The following DESI2 variants were observed in gnomAD, a reference collection of about 807,000 sequenced individuals.
The protein encoded by DESI2 is desumoylating isopeptidase 2, also known as deubiquitinase DESI2.
Under a neutral mutation model 24.1 loss-of-function variants are expected in DESI2, and 10 were observed. The observed-to-expected ratio is 0.41, with a 90% CI of 0.26 to 0.70. The LOEUF is 0.70. Among genes scored for constraint, DESI2 ranks in the 30% least tolerant of loss-of-function variants. DESI2 has a pLI of 0.29. For synonymous variants in DESI2, 71 were observed against 87.7 expected, an observed-to-expected ratio of 0.81 and a Z score of 1.06; for missense variants, 122 against 234.9, an observed-to-expected ratio of 0.52 and a Z score of 3.14.
chr1:244,705,724 G>A lies in DESI2; in HGVS notation c.520G>A (p.Ala174Thr), dbSNP rs1558139888. The A allele has an allele frequency of 6.2e-7, 1 of 1,613,842 alleles. No individual in the cohort carries two copies. The highest frequency in any genetic ancestry group is 8.5e-7 in the Non-Finnish European group (1 of 1,180,032). Residue 174 changes from alanine (A) to threonine (T), a missense_variant, in exon 5 of 5, where the codon GCC becomes ACC. By Grantham distance (58) the Ala-to-Thr change is moderately conservative. This residue lies in a region of DESI2 where 56 missense variants were observed against 67.9 expected (regional missense o/e 0.82). Transcript: ENST00000302550. ...QDELEEAEDA[A>T]ASASVASTAA... ...TGAACTGGAGGAAGCAGAGGATGCT[G>A]CCGCATCCGCTTCCGTGGCAAGCAC...
intron 1 of DESI2, among the ~76,000 whole-genome samples, chr1:244,657,016 G>T (rs1016976799): frequency 1.3e-5 from 2 of 151,998 alleles, no homozygotes; most frequent in Admixed American, 6.5e-5. Context: ...CAAGTGATCC[G>T]CCCGCCTCAG....
chr1:244,702,623 A>G (rs1212509208), intron 4 of DESI2, among the ~76,000 whole-genome samples: 4 of 152,174 alleles, frequency 2.6e-5, no homozygotes, highest in Non-Finnish European at 4.4e-5. Context: ...CATAGTCCCA[A>G]CTCTGCCTCT....
chr1:244,661,218 GTC>G (rs1558649850), intron 1 of DESI2, among the ~76,000 whole-genome samples: 1 of 151,710 alleles, frequency 6.6e-6, no homozygotes, highest in Non-Finnish European at 1.5e-5. Context: ...TCTGCTTTCT[GTC>G]TCTGTGCATT....
Position 244,709,024 on chromosome 1 carries a change from T to C in DESI2, c.*3235T>C, listed in dbSNP as rs1481102367. The C allele has an allele frequency of 6.6e-6, 1 of 152,336 alleles. No homozygotes were observed. Among genetic ancestry groups the C allele is most frequent in the Non-Finnish European group, 1.5e-5 (1 of 68,048 alleles). 9.4% of individuals were successfully genotyped at this position (152,336 alleles called of 1,614,324 possible). On this transcript the variant is annotated 3_prime_UTR_variant, in exon 5 of 5. Transcript: ENST00000302550. ...TACATTGATTTATTAAAAAATACTT[T>C]TATAAGAAATGTTTTATAGTGCTTT...
intron 1 of DESI2, among the ~76,000 whole-genome samples, chr1:244,678,248 TTTTAAG>T (rs1171348891): frequency 6.6e-6 from 1 of 152,206 alleles, no homozygotes; most frequent in Non-Finnish European, 1.5e-5. Flanking sequence ...TTTCTCTTGC[TTTTAAG>T]TTTCTTTTTA....
chr1:244,693,203 C>T (rs1024557900), intron 4 of DESI2, among the ~76,000 whole-genome samples: 7 of 152,190 alleles, frequency 4.6e-5, no homozygotes, highest in African/African-American at 1.7e-4. Context: ...GACCGGACTT[C>T]TTACTCCAGT....
chr1:244,683,974 G>T (rs1253483639), intron 1 of DESI2, among the ~76,000 whole-genome samples: 1 of 151,828 alleles, frequency 6.6e-6, no homozygotes, highest in African/African-American at 2.4e-5. Flanking sequence ...CAAAGTACTG[G>T]AATTACAGGT....
intron 1 of DESI2, among the ~76,000 whole-genome samples, chr1:244,676,988 T>C (rs1307007113): frequency 1.3e-5 from 2 of 151,114 alleles, no homozygotes; most frequent in Non-Finnish European, 2.9e-5. Context: ...GGTCATGTTA[T>C]ATAATCCTTG....
chr1:244,698,278 A>G (rs1484736495), intron 4 of DESI2, among the ~76,000 whole-genome samples: 1 of 152,222 alleles, frequency 6.6e-6, no homozygotes, highest in Non-Finnish European at 1.5e-5. Flanking sequence ...TGAAAGCAAA[A>G]TATGTCTCAC....
intron 1 of DESI2, among the ~76,000 whole-genome samples, chr1:244,667,724 C>A (rs181479022): frequency 2.8e-4 from 43 of 152,304 alleles, no homozygotes; most frequent in Admixed American, 9.8e-4. Flanking sequence ...TCAGTCCTAA[C>A]TTTTCTTCAG....
chr1:244,690,024 G>T (rs1676965634), intron 3 of DESI2, among the ~76,000 whole-genome samples: 1 of 152,222 alleles, frequency 6.6e-6, no homozygotes, highest in South Asian at 2.1e-4. Context: ...ATATATGGAT[G>T]TAAGTGTTCA....
chr1:244,697,746 T>A lies in DESI2; in HGVS notation c.351+5726T>A, dbSNP rs541329170. Among the ~76,000 whole-genome samples, 3 of 152,262 alleles carry A rather than the reference T, an allele frequency of 2.0e-5. No homozygotes were observed. The South Asian group carries it at 6.2e-4, about 32-fold the overall frequency. On this transcript the variant is annotated intron_variant, in intron 4 of 4. Coordinates refer to ENST00000302550, the MANE Select transcript of DESI2 (RefSeq NM_016076.5). Reference sequence around the variant, plus strand: ...GTGTAGCCCAGGTAATACCTTCAGTTTTTGTTCTCTCCTCCCGGAAGAAAG... The same window carrying A: ...GTGTAGCCCAGGTAATACCTTCAGTATTTGTTCTCTCCTCCCGGAAGAAAG...
rs188225276 is a variant in DESI2, at chr1:244,698,789, G to A, written c.352-6767G>A. ...AAAAAATGGATGTTGATGGAACTAC[G>A]TGGATTATCACAGGTGTCCATGGGA... On this transcript the variant is annotated intron_variant, in intron 4 of 4. Coordinates refer to ENST00000302550, the MANE Select transcript of DESI2 (RefSeq NM_016076.5). Among the ~76,000 whole-genome samples, 87 of 152,296 alleles carry A rather than the reference G, an allele frequency of 5.7e-4. 1 individual carries two copies. The highest frequency in any genetic ancestry group is 3.4e-3 in the Middle Eastern group (1 of 294).
intron 1 of DESI2, among the ~76,000 whole-genome samples, chr1:244,668,381 T>G (rs1367864527): frequency 1.3e-5 from 2 of 152,154 alleles, no homozygotes; most frequent in Non-Finnish European, 2.9e-5. Context: ...TCAAAGACAG[T>G]AATTAGCCCA....
chr1:244,656,011 C>T (rs965772916), intron 1 of DESI2, among the ~76,000 whole-genome samples: 1 of 152,150 alleles, frequency 6.6e-6, no homozygotes, highest in Non-Finnish European at 1.5e-5. Flanking sequence ...ACTAATTTTT[C>T]TCAAGTCAGT....
intron 1 of DESI2, chr1:244,654,061 A>G (rs1558646740): frequency 4.3e-6 from 2 of 469,498 alleles, no homozygotes; most frequent in Admixed American, 2.4e-5. Flanking sequence ...GGGAGAGGGA[A>G]GGGAAGAAGT....
At chr1:244,674,740 A>G (rs1676360113) in intron 1 of DESI2, among the ~76,000 whole-genome samples, 1 of 152,210 alleles carries the variant, frequency 6.6e-6, no homozygotes, top group Non-Finnish European at 1.5e-5. Context: ...ATAATACCAC[A>G]TTTTATTTAT....
intron 4 of DESI2, among the ~76,000 whole-genome samples, chr1:244,702,857 G>T (rs554185021): frequency 1.3e-5 from 2 of 152,220 alleles, no homozygotes; most frequent in East Asian, 3.9e-4. Flanking sequence ...GGAGAATGAG[G>T]GAAATGGCTG....
intron 4 of DESI2, among the ~76,000 whole-genome samples, chr1:244,701,304 A>G (rs1349645382): frequency 1.4e-5 from 2 of 147,952 alleles, no homozygotes; most frequent in African/African-American, 5.0e-5. Flanking sequence ...ACAGAAACCA[A>G]GAATGGAGAT....
Sources: gnomAD v4.1 joint callset for allele counts (sites outside exome capture counted in the v4.1 genomes callset) on GRCh38, gnomAD v4.1.1 for gene constraint, gnomAD v4.1.1 regional missense constraint, MANE v1.5 for transcripts, NCBI Gene and HGNC (gene_info 2026-07-23, HGNC 2026-07-21) for gene names.